The following TMC1 variants were observed in gnomAD, a reference collection of about 807,000 sequenced individuals.
TMC1 encodes the protein transmembrane channel like 1.
Under a neutral mutation model 105.8 loss-of-function variants are expected in TMC1, and 84 were observed. The ratio of observed to expected loss-of-function variants is 0.79; its 90% CI spans 0.67 to 0.95. The LOEUF is 0.95. Among genes scored for constraint, TMC1 ranks in the 40% least tolerant of loss-of-function variants. The probability of loss-of-function intolerance (pLI) is 0.00; values close to 1 mark genes in which losing one functional copy is unlikely to be tolerated. For synonymous variants in TMC1, 315 were observed against 311.5 expected (o/e 1.01, Z -0.12); for missense variants, 817 against 914.1 (o/e 0.89, Z 1.37).
chr9:72,826,717 CAA>C, intron 20 of TMC1, 150 bp from the exon 21 acceptor site: 1 of 779,516 alleles, frequency 1.3e-6, no homozygotes, highest in Non-Finnish European at 2.2e-6. Flanking sequence ...TACATGAGGT[CAA>C]AGTGTCAGCA....
At chr9:72,792,490 G>C in intron 17 of TMC1, 138 bp downstream of exon 17, 1 of 1,030,092 alleles carries the variant, frequency 9.7e-7, no homozygotes. Flanking sequence ...CTGTGTGCTG[G>C]CTCTGAATTT....
In TMC1 at chr9:72,726,459, A is replaced by G. The variant is rs547524469; in HGVS notation, c.363-13660A>G. Among the ~76,000 whole-genome samples the G allele has an allele frequency of 4.6e-5, 7 of 152,270 alleles. 1 individual carries two copies. The South Asian group carries it at 1.2e-3, about 27-fold the overall frequency. On this transcript the variant is annotated intron_variant, in intron 8 of 23. Transcript: ENST00000297784. Reference sequence around the variant, plus strand: ...GTTAGAAGGGAGGCTATGGGAGGACACTGTAAAATATTAACACAACTTAAT... The same window carrying G: ...GTTAGAAGGGAGGCTATGGGAGGACGCTGTAAAATATTAACACAACTTAAT...
intron 8 of TMC1, among the ~76,000 whole-genome samples, chr9:72,735,082 T>C (rs1184535182): frequency 6.6e-6 from 1 of 152,218 alleles, no homozygotes; most frequent in African/African-American, 2.4e-5. Flanking sequence ...GATTGATAAA[T>C]GAATGATGAG....
intron 13 of TMC1, among the ~76,000 whole-genome samples, chr9:72,785,170 G>T: frequency 6.6e-6 from 1 of 152,162 alleles, no homozygotes; most frequent in East Asian, 1.9e-4. Flanking sequence ...GCACCCTCTT[G>T]TCTTCAGGGG....
intron 3 of TMC1, among the ~76,000 whole-genome samples, chr9:72,625,433 A>G (rs1285135497): frequency 6.6e-6 from 1 of 152,116 alleles, no homozygotes; most frequent in Non-Finnish European, 1.5e-5. Context: ...TCACGCCTGT[A>G]ATCCCAGCAC....
At chr9:72,612,628 A>G (rs975010164) in intron 2 of TMC1, among the ~76,000 whole-genome samples, 42 of 152,262 alleles carry the variant, frequency 2.8e-4, no homozygotes, top group African/African-American at 9.6e-4. Flanking sequence ...TTTCAATAAA[A>G]CTTTATTTAC....
chr9:72,772,588 A>G (rs755712719), intron 13 of TMC1, 33 bp downstream of exon 13: 38 of 1,613,344 alleles, frequency 2.4e-5, no homozygotes, highest in Non-Finnish European at 3.1e-5. Flanking sequence ...GAAGCAAATA[A>G]TGATTTCTGG....
intron 23 of TMC1, among the ~76,000 whole-genome samples, chr9:72,832,670 T>G (rs1189983445): frequency 6.6e-6 from 1 of 152,176 alleles, no homozygotes; most frequent in Non-Finnish European, 1.5e-5. Flanking sequence ...TTGCCTTCTT[T>G]ATGCTTAGCC....
chr9:72,538,681 T>G (rs1823626926), intron 1 of TMC1, among the ~76,000 whole-genome samples: 1 of 152,116 alleles, frequency 6.6e-6, no homozygotes, highest in South Asian at 2.1e-4. Context: ...TCAAGTGATC[T>G]GCCTGCCTTG....
At chr9:72,782,627 C>G (rs1021062073) in intron 13 of TMC1, among the ~76,000 whole-genome samples, 5 of 152,014 alleles carry the variant, frequency 3.3e-5, no homozygotes, top group Admixed American at 6.6e-5. Flanking sequence ...GAATAAAAAA[C>G]CAATGTACAT....
At chr9:72,817,134 T>A (rs1192074237) in intron 19 of TMC1, 1 of 152,152 alleles carries the variant, frequency 6.6e-6, no homozygotes, top group Non-Finnish European at 1.5e-5. Context: ...ACCGGACCCC[T>A]CTGCAAATGC....
chr9:72,787,964 C>A (rs199665109), intron 13 of TMC1, among the ~76,000 whole-genome samples: 1 of 152,130 alleles, frequency 6.6e-6, no homozygotes, highest in East Asian at 1.9e-4. Flanking sequence ...ATATATGTTT[C>A]TTTTCCCCTG....
At chr9:72,733,746 T>G (rs539861043) in intron 8 of TMC1, among the ~76,000 whole-genome samples, 33 of 152,294 alleles carry the variant, frequency 2.2e-4, no homozygotes, top group African/African-American at 7.9e-4. Flanking sequence ...CTTTTGCAGT[T>G]TGAAGTACAA....
intron 8 of TMC1, among the ~76,000 whole-genome samples, chr9:72,707,662 CT>C (rs1826766711): frequency 2.6e-5 from 4 of 152,156 alleles, no homozygotes; most frequent in Middle Eastern, 3.4e-3. Context: ...GGATATTAGT[CT>C]TTGTCAGATG....
intron 17 of TMC1, among the ~76,000 whole-genome samples, chr9:72,794,088 C>A (rs1056229675): frequency 6.6e-6 from 1 of 152,108 alleles, no homozygotes; most frequent in Non-Finnish European, 1.5e-5. Flanking sequence ...CCCCCACCCC[C>A]CTCCTTGTCA....
At chr9:72,823,149 C>G (rs554358343) in intron 20 of TMC1, among the ~76,000 whole-genome samples, 2 of 151,846 alleles carry the variant, frequency 1.3e-5, no homozygotes, top group Non-Finnish European at 2.9e-5. Flanking sequence ...CAATGGAGTA[C>G]TGGGAAGGGT....
intron 8 of TMC1, among the ~76,000 whole-genome samples, chr9:72,733,655 A>G (rs1000133906): frequency 6.6e-6 from 1 of 152,240 alleles, no homozygotes; most frequent in East Asian, 1.9e-4. Flanking sequence ...CAATCAGAAC[A>G]TATTCCTGTT....
intron 5 of TMC1, among the ~76,000 whole-genome samples, chr9:72,679,885 T>TA (rs1031526640): frequency 2.0e-5 from 3 of 152,014 alleles, no homozygotes; most frequent in Non-Finnish European, 4.4e-5. Context: ...TCTTATCAGA[T>TA]AAAAAAATTC....
chr9:72,559,596 G>A (rs2132078170), intron 1 of TMC1, among the ~76,000 whole-genome samples: 1 of 152,230 alleles, frequency 6.6e-6, no homozygotes, highest in African/African-American at 2.4e-5. Context: ...CACTGCTCAG[G>A]AAGAGAGAAT....
Sources: allele counts gnomAD v4.1 joint callset (sites outside exome capture counted in the v4.1 genomes callset), GRCh38; gene constraint gnomAD v4.1.1; transcripts MANE v1.5; gene names NCBI Gene and HGNC (gene_info 2026-07-23, HGNC 2026-07-21).